ADAMTS18: variants seen among roughly 807,000 people sequenced by gnomAD.
ADAMTS18 encodes A disintegrin and metalloproteinase with thrombospondin motifs 18.
Under a neutral mutation model 165.9 loss-of-function variants are expected in ADAMTS18, and 157 were observed. That is an observed-to-expected ratio of 0.95 (90% CI 0.83 to 1.08). ADAMTS18 has a LOEUF of 1.08. Ranked by LOEUF, ADAMTS18 falls within the 50% of genes least tolerant of loss-of-function variation. ADAMTS18 has a pLI of 0.00. For synonymous variants in ADAMTS18, 782 were observed against 578.2 expected (o/e 1.35, Z -5.06); for missense variants, 2,040 against 1,534.0 (o/e 1.33, Z -5.51).
rs115927472 is a variant in ADAMTS18 at position 77,392,580 on chromosome 16, C to A, written c.496-24857G>T. Among the ~76,000 whole-genome samples the A allele has an allele frequency of 9.6e-3, 1,460 of 152,256 alleles. 18 individuals are homozygous for A. Among genetic ancestry groups the A allele is most frequent in the African/African-American group, 0.033 (1,373 of 41,536 alleles). On this transcript the variant is annotated intron_variant, in intron 3 of 22. Transcript: ENST00000282849. ...TTCCTTCATTACACTTTACCCCCAA[C>A]AGATTCGATAGATTCTAAATGCCTT...
intron 3 of ADAMTS18, among the ~76,000 whole-genome samples, chr16:77,417,899 C>T (rs2057551288): frequency 6.6e-6 from 1 of 152,198 alleles, no homozygotes; most frequent in South Asian, 2.1e-4. Flanking sequence ...CAGCTCATCG[C>T]TCCTATTCTT....
In ADAMTS18 at chr16:77,363,750, T is replaced by C. The variant is rs373701504; in HGVS notation, c.1056+52A>G. On this transcript the variant is annotated intron_variant, in intron 6 of 22. Transcript: ENST00000282849. ...GTGAACACAGTAGGTGTTCAAGAAA[T>C]GTATTCTGAACGGCAGACTGAATGA... 1.1e-4 allele frequency: 175 copies of C among 1,543,824 alleles called. No individual in the cohort carries two copies. In the African/African-American group the frequency reaches 2.2e-3, roughly 19 times the overall value.
At chr16:77,327,556 C>A (rs1468311785) in intron 12 of ADAMTS18, among the ~76,000 whole-genome samples, 2 of 152,088 alleles carry the variant, frequency 1.3e-5, no homozygotes, top group African/African-American at 4.8e-5. Flanking sequence ...GGACTACTAC[C>A]CAGCCGTAAA....
intron 8 of ADAMTS18, among the ~76,000 whole-genome samples, chr16:77,357,777 T>C (rs1160436056): frequency 1.3e-5 from 2 of 152,212 alleles, no homozygotes; most frequent in African/African-American, 4.8e-5. Context: ...ATCTCAGGAA[T>C]TGTCTGTTTC....
chr16:77,406,098 A>C (rs1274426899), intron 3 of ADAMTS18, among the ~76,000 whole-genome samples: 1 of 152,186 alleles, frequency 6.6e-6, no homozygotes, highest in Non-Finnish European at 1.5e-5. Context: ...ATTTTCTCAC[A>C]AACATACAGA....
At chr16:77,309,512 C>G (rs550630904) in intron 16 of ADAMTS18, among the ~76,000 whole-genome samples, 46 of 152,230 alleles carry the variant, frequency 3.0e-4, no homozygotes, top group Non-Finnish European at 6.0e-4. Context: ...GAATGGATGT[C>G]TGTAATACAG....
intron 16 of ADAMTS18, among the ~76,000 whole-genome samples, chr16:77,309,307 A>G (rs2144612729): frequency 6.6e-6 from 1 of 152,230 alleles, no homozygotes; most frequent in East Asian, 1.9e-4. Context: ...ATATATGTGT[A>G]CGTATTTCAA....
chr16:77,419,756 C>T (rs896237544), intron 3 of ADAMTS18, among the ~76,000 whole-genome samples: 2 of 152,004 alleles, frequency 1.3e-5, no homozygotes, highest in African/African-American at 4.8e-5. Flanking sequence ...CCTGTAATCC[C>T]AGCACTTTGA....
At chr16:77,319,149 C>A (rs750883091) in intron 16 of ADAMTS18, among the ~76,000 whole-genome samples, 2 of 152,162 alleles carry the variant, frequency 1.3e-5, no homozygotes, top group Non-Finnish European at 2.9e-5. Context: ...GACACCCAGG[C>A]AAGCATTTTC....
At chr16:77,319,087 G>C (rs2055939915) in intron 16 of ADAMTS18, among the ~76,000 whole-genome samples, 3 of 151,914 alleles carry the variant, frequency 2.0e-5, no homozygotes. Flanking sequence ...CTTACCTGTG[G>C]GGAAGCTACA....
At chr16:77,290,888 A>T in intron 21 of ADAMTS18, 1 of 267,492 alleles carries the variant, frequency 3.7e-6, no homozygotes, top group Non-Finnish European at 7.3e-6. Context: ...CAGAAACATG[A>T]TGTAAGAACC....
intron 11 of ADAMTS18, among the ~76,000 whole-genome samples, chr16:77,339,650 G>A (rs1333572053): frequency 6.7e-6 from 1 of 149,490 alleles, no homozygotes; most frequent in Non-Finnish European, 1.5e-5. Context: ...AAGTTGTGAT[G>A]CCTCAAAAGT....
rs113727165 is a variant in ADAMTS18, at chr16:77,309,217, G to GTT, written c.2533-8815_2533-8814dup. Among the ~76,000 whole-genome samples the GTT allele has an allele frequency of 1.7e-3, 151 of 91,480 alleles. 2 individuals are homozygous for GTT. Among genetic ancestry groups the GTT allele is most frequent in the African/African-American group, 4.6e-3 (143 of 30,800 alleles). 60.0% of individuals were successfully genotyped at this position (91,480 alleles called of 152,430 possible). On this transcript the variant is annotated intron_variant, in intron 16 of 22. Transcript: ENST00000282849. ...GCTAACGTGCGCATGTAGCTGGCTAGTTTTTTTTTTTCTGGGAAATACAGA... is the reference window on the plus strand; with the variant it reads ...GCTAACGTGCGCATGTAGCTGGCTAGTTTTTTTTTTTTTCTGGGAAATACAGA...
At chr16:77,291,216 T>G (rs2055355724) in intron 21 of ADAMTS18, 50 bp downstream of exon 21, 2 of 1,601,630 alleles carry the variant, frequency 1.2e-6, no homozygotes, top group Non-Finnish European at 1.7e-6. Context: ...AACGCCTCAT[T>G]TTTCGACATC....
At chr16:77,293,853 A>C (rs2055415351) in intron 19 of ADAMTS18, among the ~76,000 whole-genome samples, 1 of 151,266 alleles carries the variant, frequency 6.6e-6, no homozygotes, top group Non-Finnish European at 1.5e-5. Flanking sequence ...GGTGGAGTTT[A>C]GTCTGTGATG....
intron 10 of ADAMTS18, among the ~76,000 whole-genome samples, chr16:77,347,378 G>A (rs779479683): frequency 3.3e-5 from 5 of 151,998 alleles, no homozygotes; most frequent in Admixed American, 2.6e-4. Context: ...GAAACAACTC[G>A]GTCAAACCAT....
At chr16:77,368,857 A>G (rs1272904755) in intron 3 of ADAMTS18, among the ~76,000 whole-genome samples, 1 of 152,188 alleles carries the variant, frequency 6.6e-6, no homozygotes, top group African/African-American at 2.4e-5. Context: ...TACCAAATCA[A>G]GAAGAAAGGG....
In ADAMTS18 at chr16:77,332,299, G is replaced by C. The variant is rs751544192; in HGVS notation, c.1859+3457C>G. On this transcript the variant is annotated intron_variant, in intron 12 of 22. Coordinates refer to ENST00000282849, the MANE Select transcript of ADAMTS18 (RefSeq NM_199355.4). ...TCTCACTCCATCACATTCTTCAAAA[G>C]TCAGTTTCGTCAGTAAAGGCTCTGC... is the stretch of plus-strand genomic sequence containing the variant. Among the ~76,000 whole-genome samples, 36 of 152,226 alleles carry C rather than the reference G, an allele frequency of 2.4e-4. 1 individual carries two copies. Among genetic ancestry groups the C allele is most frequent in the Non-Finnish European group, 4.6e-4 (31 of 68,018 alleles).
chr16:77,339,609 AC>A (rs1213063046), intron 11 of ADAMTS18, among the ~76,000 whole-genome samples: 6 of 151,546 alleles, frequency 4.0e-5, no homozygotes, highest in South Asian at 4.2e-4. Flanking sequence ...AAAAAAAAAA[AC>A]AAAACACTAA....
Sources: allele counts gnomAD v4.1 joint callset (sites outside exome capture counted in the v4.1 genomes callset), GRCh38; gene constraint gnomAD v4.1.1; transcripts MANE v1.5; gene names NCBI Gene and HGNC (gene_info 2026-07-23, HGNC 2026-07-21).